DLGAP4: variants seen among roughly 807,000 people sequenced by gnomAD.
DLGAP4 encodes disks large-associated protein 4.
DLGAP4 carries 18 observed loss-of-function variants against 86.9 expected under a neutral mutation model. The observed-to-expected ratio is 0.21, with a 90% CI of 0.14 to 0.31. The LOEUF is 0.31. Ranked by LOEUF, DLGAP4 falls within the 10% of genes least tolerant of loss-of-function variation. The pLI is 1.00. For missense variants in DLGAP4, 1,085 were observed against 1,362.6 expected (o/e 0.80, Z 3.21); for synonymous variants, 548 against 574.3 (o/e 0.95, Z 0.65).
At chr20:36,461,765 C>T (rs1268891105) in intron 7 of DLGAP4, 1 of 890,186 alleles carries the variant, frequency 1.1e-6, no homozygotes, top group Admixed American at 6.9e-5. Flanking sequence ...GCCCGCCCGC[C>T]CGCCCGCGCT....
At chr20:36,513,955 C>T (rs557560828) in intron 10 of DLGAP4, among the ~76,000 whole-genome samples, 1 of 152,236 alleles carries the variant, frequency 6.6e-6, no homozygotes, top group East Asian at 1.9e-4. Flanking sequence ...ATATATGAGT[C>T]TGGGGATAGG....
chr20:36,314,276 C>T (rs1299243364), intron 1 of DLGAP4, among the ~76,000 whole-genome samples: 8 of 147,674 alleles, frequency 5.4e-5, no homozygotes, highest in African/African-American at 7.5e-5. Flanking sequence ...AGAGTGCAGG[C>T]GGGGACAAGG....
chr20:36,463,610 G>C (rs2034200718), intron 7 of DLGAP4, among the ~76,000 whole-genome samples: 2 of 152,238 alleles, frequency 1.3e-5, no homozygotes, highest in Non-Finnish European at 2.9e-5. Context: ...AAGATAGATG[G>C]GCGTGCCCAT....
At chr20:36,476,704 G>GTT (rs1569513143) in intron 7 of DLGAP4, among the ~76,000 whole-genome samples, 4 of 47,844 alleles carry the variant, frequency 8.4e-5, no homozygotes, top group Non-Finnish European at 1.8e-4. Context: ...TTTTTTTTTT[G>GTT]GTTTTTTTTT....
At chr20:36,351,683 T>A (rs2030158900) in intron 1 of DLGAP4, among the ~76,000 whole-genome samples, 1 of 152,132 alleles carries the variant, frequency 6.6e-6, no homozygotes, top group Non-Finnish European at 1.5e-5. Context: ...GAAAAACTAT[T>A]TTCCATGAAA....
intron 2 of DLGAP4, among the ~76,000 whole-genome samples, chr20:36,423,046 G>C (rs779446127): frequency 6.6e-6 from 1 of 152,162 alleles, no homozygotes; most frequent in Non-Finnish European, 1.5e-5. Context: ...AGAGGAGTCA[G>C]GGTGACCAGA....
chr20:36,406,215 G>A (rs1471090734), intron 2 of DLGAP4, among the ~76,000 whole-genome samples: 15 of 151,938 alleles, frequency 9.9e-5, no homozygotes, highest in Admixed American at 7.9e-4. Context: ...TGGCTAACAC[G>A]GTGAAACCCT....
intron 2 of DLGAP4, among the ~76,000 whole-genome samples, chr20:36,381,727 A>C (rs916926541): frequency 6.6e-6 from 1 of 152,056 alleles, no homozygotes; most frequent in African/African-American, 2.4e-5. Context: ...TTCCTTACTT[A>C]TATGACAGGT....
intron 6 of DLGAP4, 47 bp from the exon 7 acceptor site, chr20:36,446,650 G>A (rs769071060): frequency 1.3e-6 from 2 of 1,552,632 alleles, no homozygotes; most frequent in Non-Finnish European, 8.7e-7. Flanking sequence ...CTCCCCCCAG[G>A]ATGGGCAAGA....
intron 1 of DLGAP4, among the ~76,000 whole-genome samples, chr20:36,332,290 G>T (rs1055678874): frequency 2.6e-5 from 4 of 151,976 alleles, no homozygotes; most frequent in African/African-American, 9.7e-5. Context: ...CCAAGAAATG[G>T]CCCGATCTCC....
chr20:36,459,643 T>G (rs555073255), intron 7 of DLGAP4, among the ~76,000 whole-genome samples: 50 of 152,330 alleles, frequency 3.3e-4, no homozygotes, highest in Admixed American at 9.8e-4. Context: ...GTTTCGCTCT[T>G]GTTGCCCAGG....
At chr20:36,346,580 A>T (rs2029947834) in intron 1 of DLGAP4, among the ~76,000 whole-genome samples, 2 of 151,968 alleles carry the variant, frequency 1.3e-5, no homozygotes, top group Non-Finnish European at 2.9e-5. Context: ...GTGTGGGATG[A>T]GCTGGTAGAT....
At chr20:36,467,323 G>C (rs1246243682) in intron 7 of DLGAP4, among the ~76,000 whole-genome samples, 2 of 152,216 alleles carry the variant, frequency 1.3e-5, no homozygotes, top group Non-Finnish European at 2.9e-5. Context: ...GAGGCAGAGG[G>C]TGGTGCCGAC....
intron 1 of DLGAP4, among the ~76,000 whole-genome samples, chr20:36,364,241 A>G (rs1230609761): frequency 6.6e-6 from 1 of 152,014 alleles, no homozygotes; most frequent in African/African-American, 2.4e-5. Context: ...TGAGATCCCC[A>G]TCTCTACAAA....
intron 7 of DLGAP4, among the ~76,000 whole-genome samples, chr20:36,460,599 A>G (rs1185939809): frequency 1.3e-5 from 2 of 152,254 alleles, no homozygotes; most frequent in Non-Finnish European, 2.9e-5. Flanking sequence ...CAGGTCATGA[A>G]CAAGAGTTGG....
At chr20:36,418,305 GT>G (rs981338305) in intron 2 of DLGAP4, among the ~76,000 whole-genome samples, 5 of 151,024 alleles carry the variant, frequency 3.3e-5, no homozygotes, top group African/African-American at 1.2e-4. Context: ...TAGAGACAGA[GT>G]TTCACCATGT....
chr20:36,388,029 C>T (rs1047879325), intron 2 of DLGAP4, among the ~76,000 whole-genome samples: 4 of 152,284 alleles, frequency 2.6e-5, no homozygotes, highest in South Asian at 2.1e-4. Flanking sequence ...GTAGAACCCT[C>T]CCCTGAGTGA....
Position 36,499,619 on chromosome 20 carries a change from A to G in DLGAP4, c.2042A>G (p.Glu681Gly), listed in dbSNP as rs760365940. The G allele has an allele frequency of 2.5e-6, 4 of 1,614,020 alleles. No individual in the cohort carries two copies. In the South Asian group the frequency reaches 4.4e-5, roughly 18 times the overall value. ...VDCIQPVPKE[E>G]PSPATKFQSI... ...TGCATTCAGCCAGTGCCAAAAGAGGAGCCCAGTCCCGCTACCAAATTCCAG... is the reference window on the plus strand; with the variant it reads ...TGCATTCAGCCAGTGCCAAAAGAGGGGCCCAGTCCCGCTACCAAATTCCAG... The change falls in exon 9 of 13, where the codon GAG becomes GGG. Residue 681 changes from glutamate to glycine, a missense_variant. Glu to Gly is a moderately conservative substitution (Grantham distance 98). Transcript: ENST00000339266.
chr20:36,517,710 G>C (rs1314851217), intron 10 of DLGAP4, among the ~76,000 whole-genome samples: 1 of 151,996 alleles, frequency 6.6e-6, no homozygotes, highest in Non-Finnish European at 1.5e-5. Flanking sequence ...TGTCAATGTT[G>C]AATCAGTCTT....
Sources: gnomAD v4.1 joint callset for allele counts (sites outside exome capture counted in the v4.1 genomes callset) on GRCh38, gnomAD v4.1.1 for gene constraint, MANE v1.5 for transcripts, NCBI Gene and HGNC (gene_info 2026-07-23, HGNC 2026-07-21) for gene names.